Variants in E2F7 observed in about 807,000 individuals in gnomAD.
The protein encoded by E2F7 is E2F transcription factor 7.
E2F7 carries 35 observed loss-of-function variants against 81.1 expected under a neutral mutation model. The ratio of observed to expected loss-of-function variants is 0.43; its 90% confidence interval spans 0.33 to 0.57. The LOEUF is 0.57. E2F7 is among the 20% of genes least tolerant of loss of function. The probability of loss-of-function intolerance (pLI) is 0.04; values close to 1 mark genes in which losing one functional copy is unlikely to be tolerated. For missense variants in E2F7, 961 were observed against 1,093.7 expected (o/e 0.88, Z 1.71); for synonymous variants, 416 against 416.2 (o/e 1.00, Z 0.01).
At chr12:77,045,878 T>G (rs1038996968) in intron 5 of E2F7, 160 bp downstream of exon 5, 1 of 919,392 alleles carries the variant, frequency 1.1e-6, no homozygotes, top group South Asian at 1.8e-5. Flanking sequence ...GGCAGTCCAG[T>G]TGGGGAGCCA....
intron 12 of E2F7, among the ~76,000 whole-genome samples, chr12:77,024,762 CTA>C (rs1168048402): frequency 9.8e-5 from 15 of 152,346 alleles, no homozygotes; most frequent in Middle Eastern, 3.4e-3. Flanking sequence ...ATAGAAAATT[CTA>C]TGTTATGCTA....
intron 2 of E2F7, among the ~76,000 whole-genome samples, chr12:77,063,035 T>G (rs976094687): frequency 1.3e-5 from 2 of 152,158 alleles, no homozygotes; most frequent in African/African-American, 4.8e-5. Context: ...TTCTGTGTAA[T>G]GAAATCTCAC....
Position 77,030,267 on chromosome 12 carries a change from A to G in E2F7, c.1448T>C (p.Phe483Ser), listed in dbSNP as rs1954795306. 1 of 1,607,876 alleles carries G rather than the reference A, an allele frequency of 6.2e-7. No homozygotes were observed. ...PSSSLDPVAP[F>S]PVLSVDPEYC... ...TTCTGGGTCAACAGAGAGGACAGGG[A>G]AAGGAGCAACAGGGTCCAAGCTGCT... The change falls in exon 10 of 13, where the codon TTC (phenylalanine) becomes TCC (serine). Residue 483 changes from phenylalanine to serine, a missense_variant. Transcript: ENST00000322886.
chr12:77,061,857 C>T (rs80172490), intron 2 of E2F7, among the ~76,000 whole-genome samples: 3,378 of 152,288 alleles, frequency 0.022, 81 homozygotes, highest in African/African-American at 0.064. Flanking sequence ...GTTACTTCTG[C>T]CTAAAATGTC....
chr12:77,056,173 G>C, intron 2 of E2F7, 43 bp from the exon 3 acceptor site: 2 of 1,532,168 alleles, frequency 1.3e-6, no homozygotes, highest in Non-Finnish European at 1.8e-6. Flanking sequence ...AGAAAGGGCA[G>C]GTATCAGCTA....
chr12:77,058,143 C>T (rs1256027084), intron 2 of E2F7, among the ~76,000 whole-genome samples: 1 of 152,162 alleles, frequency 6.6e-6, no homozygotes, highest in Non-Finnish European at 1.5e-5. Flanking sequence ...AATGCTGCAT[C>T]TACCCACCTC....
chr12:77,055,832 C>A, intron 3 of E2F7, 23 bp downstream of exon 3: 1 of 1,537,682 alleles, frequency 6.5e-7, no homozygotes, highest in Non-Finnish European at 8.7e-7. Context: ...CTAAAAAATC[C>A]CTGAGGAGCA....
At chr12:77,052,790 CATT>C (rs1955000461) in intron 3 of E2F7, among the ~76,000 whole-genome samples, 1 of 151,920 alleles carries the variant, frequency 6.6e-6, no homozygotes, top group Admixed American at 6.6e-5. Context: ...GGTTTAGTAT[CATT>C]ATATAATCAA....
chr12:77,030,292 TTGA>T lies in E2F7; in HGVS notation c.1420_1422del (p.Ser476del), dbSNP rs767977000. The T allele has an allele frequency of 5.7e-6, 9 of 1,580,050 alleles. No individual in the cohort carries two copies. In the East Asian group the frequency reaches 1.8e-4, roughly 32 times the overall value. ...AAAGGAGCAACAGGGTCCAAGCTGC[TTGA>T]TGGAGGCACCACTCTCTTACTGGCA... On this transcript the variant is annotated inframe_deletion, in exon 10 of 13. Coordinates refer to ENST00000322886, the MANE Select transcript of E2F7 (RefSeq NM_203394.3).
At chr12:77,064,495 A>G in intron 2 of E2F7, 48 bp downstream of exon 2, 5 of 1,485,292 alleles carry the variant, frequency 3.4e-6, no homozygotes. Flanking sequence ...TGAATTCAAC[A>G]TCACCATCCT....
chr12:77,050,313 T>C (rs1247792094), intron 4 of E2F7, among the ~76,000 whole-genome samples: 1 of 152,200 alleles, frequency 6.6e-6, no homozygotes, highest in African/African-American at 2.4e-5. Context: ...AATGTAACTC[T>C]ATTATAAAAA....
In E2F7 at chr12:77,029,814, C is replaced by T. The variant is rs1327978303; in HGVS notation, c.1884+17G>A. ...CTAACAGGATGTCACCAGACACATC[C>T]ACCTGCACTCCCTTACCTTGGGCAT... On this transcript the variant is annotated intron_variant, in intron 10 of 12. Coordinates refer to ENST00000322886, the MANE Select transcript of E2F7 (RefSeq NM_203394.3). 4.3e-6 allele frequency: 7 copies of T among 1,612,574 alleles called. No homozygotes were observed. The highest frequency in any genetic ancestry group is 5.9e-6 in the Non-Finnish European group (7 of 1,179,048).
At position 77,064,551 on chromosome 12, in the gene E2F7, C is replaced by A; in HGVS notation, c.85G>T (p.Ala29Ser). 1 of 1,613,984 alleles carries A rather than the reference C, an allele frequency of 6.2e-7. No homozygotes were observed. Among genetic ancestry groups the A allele is most frequent in the Non-Finnish European group, 8.5e-7 (1 of 1,179,898 alleles). Residue 29 changes from alanine to serine, a missense_variant, in exon 2 of 13, where the codon GCA (alanine) becomes TCA (serine). Coordinates refer to ENST00000322886, the MANE Select transcript of E2F7 (RefSeq NM_203394.3). ...LDFAVEDGEN[A>S]QKENIFVDRS... ...TGTTTATGTTTGCTTACCTTTTGTG[C>A]ATTTTCCCCATCTTCAACTGCAAAA...
intron 4 of E2F7, among the ~76,000 whole-genome samples, chr12:77,049,340 A>G (rs1223074673): frequency 6.6e-6 from 1 of 152,128 alleles, no homozygotes; most frequent in African/African-American, 2.4e-5. Context: ...AAACCATAGC[A>G]TTCTACTTCC....
Position 77,024,105 on chromosome 12 carries a change from G to T in E2F7, c.2646C>A (p.Asp882Glu), listed in dbSNP as rs144904112. The T allele has an allele frequency of 3.3e-4, 538 of 1,613,858 alleles. 1 individual carries two copies. Among genetic ancestry groups the T allele is most frequent in the Non-Finnish European group, 4.4e-4 (524 of 1,179,998 alleles). The change falls in exon 13 of 13, where the codon GAC becomes GAA. Residue 882 changes from aspartate (D) to glutamate (E), a missense_variant. Asp to Glu is a conservative substitution (Grantham distance 45). Coordinates refer to ENST00000322886, the MANE Select transcript of E2F7 (RefSeq NM_203394.3). ...TFFKTPGSLG[D>E]PVLKRRERNQ... ...TCCTTTCTCTTCTCTTCAGGACAGGGTCTCCAAGGCTGCCGGGTGTCTTGA... is the reference window on the plus strand; with the variant it reads ...TCCTTTCTCTTCTCTTCAGGACAGGTTCTCCAAGGCTGCCGGGTGTCTTGA...
Position 77,023,750 on chromosome 12 carries a change from G to GC in E2F7, c.*264_*265insG, listed in dbSNP as rs35868972. On this transcript the variant is annotated 3_prime_UTR_variant, in exon 13 of 13. Coordinates refer to ENST00000322886, the MANE Select transcript of E2F7 (RefSeq NM_203394.3). ...GGTAGCCTATTCAGATCTACTTCCA[G>GC]AATAAGACGATTCTTGAATCAAAAC... 0.98 allele frequency: 381,526 copies of GC among 388,442 alleles called. 187,483 individuals carry two copies. The highest frequency in any genetic ancestry group is 1 in the East Asian group (21,496 of 21,500). The allele number at this position is 388,442 out of a possible 1,614,324, so 24.1% of individuals were successfully genotyped here.
intron 6 of E2F7, chr12:77,044,377 C>T: frequency 1.8e-6 from 1 of 564,346 alleles, no homozygotes; most frequent in South Asian, 1.8e-5. Context: ...TCACACCCTC[C>T]CTGACCGGAG....
At chr12:77,025,509 C>A (rs757909354) in intron 12 of E2F7, 49 bp downstream of exon 12, 5 of 1,592,456 alleles carry the variant, frequency 3.1e-6, no homozygotes, top group East Asian at 4.5e-5. Flanking sequence ...TAAACACAGG[C>A]ATACCCCTTC....
intron 7 of E2F7, among the ~76,000 whole-genome samples, chr12:77,036,340 G>A (rs1315367958): frequency 6.6e-6 from 1 of 152,092 alleles, no homozygotes; most frequent in East Asian, 1.9e-4. Context: ...CAGAAACTAT[G>A]CAGGCTAGAA....
Sources: allele counts gnomAD v4.1 joint callset (sites outside exome capture counted in the v4.1 genomes callset), GRCh38; gene constraint gnomAD v4.1.1; transcripts MANE v1.5; gene names NCBI Gene and HGNC (gene_info 2026-07-23, HGNC 2026-07-21).